The following KCNH7 variants were observed in gnomAD, a reference collection of about 807,000 sequenced individuals.
KCNH7 encodes potassium voltage-gated channel subfamily H member 7, also known as voltage-gated inwardly rectifying potassium channel KCNH7.
In KCNH7, 49 loss-of-function variants were observed where a neutral mutation model predicts 120.8. The ratio of observed to expected loss-of-function variants is 0.41; its 90% CI spans 0.32 to 0.51. KCNH7 has a LOEUF of 0.51. Ranked by LOEUF, KCNH7 falls within the 20% of genes least tolerant of loss-of-function variation. The pLI, the probability that KCNH7 is intolerant of heterozygous loss-of-function variation, is 0.38. For missense variants in KCNH7, 1,097 were observed against 1,446.6 expected, an observed-to-expected ratio of 0.76 and a Z score of 3.92; for synonymous variants, 547 against 516.1, an observed-to-expected ratio of 1.06 and a Z score of -0.81.
chr2:162,807,601 A>G (rs1005210444), intron 2 of KCNH7, among the ~76,000 whole-genome samples: 2 of 152,174 alleles, frequency 1.3e-5, no homozygotes, highest in Non-Finnish European at 2.9e-5. Context: ...CATGAAGTGG[A>G]AAAGTGATTT....
intron 9 of KCNH7, among the ~76,000 whole-genome samples, chr2:162,405,891 G>A (rs903117371): frequency 1.6e-4 from 24 of 151,916 alleles, no homozygotes; most frequent in African/African-American, 5.8e-4. Flanking sequence ...TTCAGCCAGT[G>A]GAGTCAGAAG....
chr2:162,386,654 C>A (rs1686582550), intron 12 of KCNH7, among the ~76,000 whole-genome samples: 1 of 151,820 alleles, frequency 6.6e-6, no homozygotes, highest in Non-Finnish European at 1.5e-5. Flanking sequence ...GCATCAAATG[C>A]AAGCTGAATT....
chr2:162,696,155 C>G (rs1384493667), intron 2 of KCNH7, among the ~76,000 whole-genome samples: 3 of 152,050 alleles, frequency 2.0e-5, no homozygotes, highest in Admixed American at 2.0e-4. Context: ...ACTTGTAAAA[C>G]TAAGGCTTAG....
At chr2:162,792,132 G>T (rs1302539249) in intron 2 of KCNH7, among the ~76,000 whole-genome samples, 1 of 152,088 alleles carries the variant, frequency 6.6e-6, no homozygotes, top group Non-Finnish European at 1.5e-5. Flanking sequence ...CAGGGATAAA[G>T]CCTATTTGAT....
chr2:162,594,238 CCT>C lies in KCNH7; in HGVS notation c.308-57160_308-57159del, dbSNP rs1694302629. 1.2e-4 allele frequency among the ~76,000 whole-genome samples: 3 copies of C among 24,164 alleles called. No homozygotes were observed. In the African/African-American group the frequency reaches 1.9e-3, roughly 15 times the overall value. The allele number at this position is 24,164 out of a possible 152,430, so 15.9% of individuals were successfully genotyped here. A position where few individuals can be genotyped will look rare whatever the true frequency, so the allele number is the denominator to read the frequency against. Reference sequence around the variant, plus strand: ...TGCTAGTTTATAACCAGTAAGTATTCCTTCCTTTGGAACCACTGGCTTCATAC... The same window carrying C: ...TGCTAGTTTATAACCAGTAAGTATTCTCCTTTGGAACCACTGGCTTCATAC... On this transcript the variant is annotated intron_variant, in intron 2 of 15. Transcript: ENST00000332142.
At chr2:162,688,467 T>C (rs528084061) in intron 2 of KCNH7, among the ~76,000 whole-genome samples, 4 of 152,148 alleles carry the variant, frequency 2.6e-5, no homozygotes, top group South Asian at 4.1e-4. Context: ...CCTCAACAAA[T>C]AGGGAACCCA....
intron 2 of KCNH7, among the ~76,000 whole-genome samples, chr2:162,620,169 GAGAT>G (rs201525486): frequency 3.1e-5 from 4 of 129,052 alleles, no homozygotes; most frequent in African/African-American, 5.8e-5. Context: ...TATAGAGAGA[GAGAT>G]AGATATTTTT....
chr2:162,661,728 G>A (rs1375037773), intron 2 of KCNH7, among the ~76,000 whole-genome samples: 2 of 151,962 alleles, frequency 1.3e-5, no homozygotes, highest in Non-Finnish European at 2.9e-5. Flanking sequence ...TGGGATAAAG[G>A]TCATGTAATA....
At position 162,759,824 on chromosome 2, in the gene KCNH7, T is replaced by C. The variant is rs369811128; in HGVS notation, c.307+76713A>G. On this transcript the variant is annotated intron_variant, in intron 2 of 15. Transcript: ENST00000332142. Reference sequence around the variant, plus strand: ...TTGAAACAATGTAAATGTCAAAAATTGATAAATAATTACTTTCTAGATGAG... The same window carrying C: ...TTGAAACAATGTAAATGTCAAAAATCGATAAATAATTACTTTCTAGATGAG... Among the ~76,000 whole-genome samples the C allele has an allele frequency of 2.0e-3, 312 of 152,248 alleles. 1 individual carries two copies. Among genetic ancestry groups the C allele is most frequent in the African/African-American group, 7.3e-3 (304 of 41,552 alleles).
intron 2 of KCNH7, among the ~76,000 whole-genome samples, chr2:162,590,641 C>A (rs569419228): frequency 6.6e-5 from 10 of 152,216 alleles, no homozygotes; most frequent in Admixed American, 6.5e-4. Flanking sequence ...AAATTATCAG[C>A]ACAAAGTCCC....
intron 2 of KCNH7, chr2:162,784,820 G>C (rs1442547685): frequency 6.6e-6 from 1 of 152,126 alleles, no homozygotes; most frequent in East Asian, 1.9e-4. Context: ...CACTACTTTG[G>C]ATACACTATT....
intron 2 of KCNH7, among the ~76,000 whole-genome samples, chr2:162,624,745 A>T (rs769380058): frequency 6.6e-6 from 1 of 152,114 alleles, no homozygotes; most frequent in Non-Finnish European, 1.5e-5. Context: ...ATGATAGCCC[A>T]GTTATCTCCT....
intron 2 of KCNH7, among the ~76,000 whole-genome samples, chr2:162,770,952 G>T (rs1056832228): frequency 6.6e-6 from 1 of 151,990 alleles, no homozygotes; most frequent in South Asian, 2.1e-4. Flanking sequence ...CTATGGTCTG[G>T]TCCAAAAATC....
At chr2:162,550,434 A>G (rs1574090838) in intron 2 of KCNH7, among the ~76,000 whole-genome samples, 1 of 152,142 alleles carries the variant, frequency 6.6e-6, no homozygotes, top group East Asian at 1.9e-4. Flanking sequence ...AAGGAGAGCC[A>G]TGTTGGAGTA....
intron 8 of KCNH7, among the ~76,000 whole-genome samples, chr2:162,423,809 A>T (rs1436406760): frequency 6.6e-6 from 1 of 152,176 alleles, no homozygotes; most frequent in Non-Finnish European, 1.5e-5. Flanking sequence ...GGGAGCACTG[A>T]CTAGGGAGAA....
chr2:162,810,462 T>A (rs1041142031), intron 2 of KCNH7, among the ~76,000 whole-genome samples: 2 of 152,134 alleles, frequency 1.3e-5, no homozygotes, highest in African/African-American at 4.8e-5. Context: ...GCAACACACA[T>A]AATAGAAACC....
intron 2 of KCNH7, among the ~76,000 whole-genome samples, chr2:162,654,013 T>C (rs1684656148): frequency 6.6e-6 from 1 of 151,654 alleles, no homozygotes. Flanking sequence ...ATTAAAGACT[T>C]AGTTCTAAGA....
At chr2:162,759,854 T>C (rs1247846814) in intron 2 of KCNH7, among the ~76,000 whole-genome samples, 1 of 152,154 alleles carries the variant, frequency 6.6e-6, no homozygotes. Context: ...GATGAGAATG[T>C]GTATTTGCTT....
chr2:162,382,962 A>C (rs551683480), intron 13 of KCNH7, among the ~76,000 whole-genome samples: 1 of 151,944 alleles, frequency 6.6e-6, no homozygotes, highest in Non-Finnish European at 1.5e-5. Context: ...TTGCCCTGTA[A>C]ATTTTTAAAA....
Sources: gnomAD v4.1 joint callset for allele counts (sites outside exome capture counted in the v4.1 genomes callset) on GRCh38, gnomAD v4.1.1 for gene constraint, MANE v1.5 for transcripts, NCBI Gene and HGNC (gene_info 2026-07-23, HGNC 2026-07-21) for gene names.